SYT1: variants seen among roughly 807,000 people sequenced by gnomAD.
SYT1 encodes synaptotagmin 1, also known as synaptotagmin-1.
Under a neutral mutation model 44.8 loss-of-function variants are expected in SYT1, and 8 were observed. The observed-to-expected ratio is 0.18, with a 90% CI of 0.10 to 0.32. SYT1 has a LOEUF of 0.32. SYT1 is among the 10% of genes least tolerant of loss of function. SYT1 has a pLI of 1.00. For missense variants in SYT1, 286 were observed against 509.3 expected (o/e 0.56, Z 4.22); for synonymous variants, 154 against 188.8 (o/e 0.82, Z 1.51).
At chr12:78,962,385 G>A (rs1454335053) in intron 1 of SYT1, among the ~76,000 whole-genome samples, 2 of 148,446 alleles carry the variant, frequency 1.3e-5, no homozygotes, top group Non-Finnish European at 3.0e-5. Flanking sequence ...TCACTTCGTG[G>A]GTCACGTACC....
At chr12:79,100,557 A>G (rs775091111) in intron 3 of SYT1, among the ~76,000 whole-genome samples, 11 of 152,150 alleles carry the variant, frequency 7.2e-5, no homozygotes, top group Non-Finnish European at 1.5e-4. Context: ...GAAAATATAC[A>G]TAGAAAAAAA....
At chr12:79,257,583 G>A (rs1460354170) in intron 4 of SYT1, among the ~76,000 whole-genome samples, 1 of 152,024 alleles carries the variant, frequency 6.6e-6, no homozygotes, top group Non-Finnish European at 1.5e-5. Flanking sequence ...CGCCTCCCGG[G>A]TTCACGCCAT....
chr12:79,098,638 G>A (rs546267518), intron 3 of SYT1, among the ~76,000 whole-genome samples: 2 of 152,246 alleles, frequency 1.3e-5, no homozygotes, highest in African/African-American at 2.4e-5. Flanking sequence ...GTTCTGGTTA[G>A]TGGTGACTTA....
intron 4 of SYT1, among the ~76,000 whole-genome samples, chr12:79,284,907 G>T (rs569744981): frequency 2.0e-5 from 3 of 151,404 alleles, no homozygotes; most frequent in Non-Finnish European, 2.9e-5. Context: ...TGCATTAAAA[G>T]CTTTTTAACA....
At chr12:79,103,478 G>A (rs968562771) in intron 3 of SYT1, among the ~76,000 whole-genome samples, 14 of 151,946 alleles carry the variant, frequency 9.2e-5, no homozygotes, top group African/African-American at 3.4e-4. Flanking sequence ...GATATGGAAT[G>A]AGGAGTGAAA....
At chr12:79,377,255 G>T (rs1453348516) in intron 9 of SYT1, among the ~76,000 whole-genome samples, 1 of 152,146 alleles carries the variant, frequency 6.6e-6, no homozygotes, top group Non-Finnish European at 1.5e-5. Context: ...GGGACTGCAG[G>T]CTACCGCCAC....
chr12:79,317,852 C>A (rs1006804557), intron 8 of SYT1, among the ~76,000 whole-genome samples: 1 of 152,024 alleles, frequency 6.6e-6, no homozygotes, highest in African/African-American at 2.4e-5. Flanking sequence ...GACCTTAAGG[C>A]GGGAGCTTAA....
chr12:79,173,632 T>C (rs1290077936), intron 3 of SYT1, among the ~76,000 whole-genome samples: 2 of 151,936 alleles, frequency 1.3e-5, no homozygotes, highest in Admixed American at 6.6e-5. Flanking sequence ...AGAGAGAAGA[T>C]AGTATCTGAG....
chr12:79,423,624 C>G (rs192626131), intron 9 of SYT1, among the ~76,000 whole-genome samples: 1 of 152,110 alleles, frequency 6.6e-6, no homozygotes, highest in Admixed American at 6.6e-5. Flanking sequence ...AGGACTTAAA[C>G]TGTGGAATAG....
chr12:78,942,532 A>G (rs562375839), intron 1 of SYT1, among the ~76,000 whole-genome samples: 1 of 152,262 alleles, frequency 6.6e-6, no homozygotes, highest in Admixed American at 6.5e-5. Context: ...TCCATGTCAA[A>G]GCGTCCATGT....
intron 3 of SYT1, among the ~76,000 whole-genome samples, chr12:79,204,995 C>G (rs1293733067): frequency 1.7e-5 from 2 of 117,834 alleles, no homozygotes; most frequent in African/African-American, 6.7e-5. Flanking sequence ...GACGGAGTCT[C>G]TCTTTGTCGC....
At chr12:79,385,225 G>C (rs1054271494) in intron 9 of SYT1, among the ~76,000 whole-genome samples, 3 of 151,886 alleles carry the variant, frequency 2.0e-5, no homozygotes, top group Non-Finnish European at 4.4e-5. Context: ...GCCCTCAAGT[G>C]ATCTGCCAGC....
intron 2 of SYT1, among the ~76,000 whole-genome samples, chr12:78,988,063 G>A (rs1350713832): frequency 2.6e-5 from 4 of 151,930 alleles, no homozygotes; most frequent in Non-Finnish European, 4.4e-5. Flanking sequence ...ATTCTACGTG[G>A]TCAAGAAATC....
At position 79,372,722 on chromosome 12, in the gene SYT1, C is replaced by T. The variant is rs1485048087; in HGVS notation, c.928+19103C>T. On this transcript the variant is annotated intron_variant, in intron 9 of 10. Coordinates refer to ENST00000261205, the MANE Select transcript of SYT1 (RefSeq NM_005639.3). Reference sequence around the variant, plus strand: ...ACAAGTAGATCTAAAATTTCATTTCCAGGGCTAAGTCACCTTCTTGGTCCA... The same window carrying T: ...ACAAGTAGATCTAAAATTTCATTTCTAGGGCTAAGTCACCTTCTTGGTCCA... Among the ~76,000 whole-genome samples the T allele has an allele frequency of 3.3e-5, 5 of 152,260 alleles. No homozygotes were observed. In the East Asian group the frequency reaches 9.7e-4, roughly 29 times the overall value.
At chr12:78,985,625 CT>C (rs1251313562) in intron 2 of SYT1, among the ~76,000 whole-genome samples, 1 of 151,562 alleles carries the variant, frequency 6.6e-6, no homozygotes, top group Non-Finnish European at 1.5e-5. Flanking sequence ...ATAACAAATT[CT>C]TTATGTTCTT....
At chr12:79,099,794 T>C (rs1462861938) in intron 3 of SYT1, among the ~76,000 whole-genome samples, 1 of 152,178 alleles carries the variant, frequency 6.6e-6, no homozygotes, top group East Asian at 1.9e-4. Flanking sequence ...GTGACTGGCT[T>C]ACTGGATTCA....
At chr12:79,124,551 T>C (rs1037502617) in intron 3 of SYT1, among the ~76,000 whole-genome samples, 2 of 152,034 alleles carry the variant, frequency 1.3e-5, no homozygotes, top group Admixed American at 1.3e-4. Context: ...ATCATCACCA[T>C]TGCCATCATC....
intron 6 of SYT1, among the ~76,000 whole-genome samples, chr12:79,295,167 G>A (rs1267699444): frequency 6.6e-6 from 1 of 152,106 alleles, no homozygotes; most frequent in African/African-American, 2.4e-5. Context: ...GTAAGAGTCT[G>A]CTTTGTTACC....
chr12:78,963,172 C>CATAT (rs532927334), intron 1 of SYT1, among the ~76,000 whole-genome samples: 2 of 150,338 alleles, frequency 1.3e-5, no homozygotes, highest in South Asian at 2.1e-4. Context: ...TATTCAATCG[C>CATAT]ATATATATAT....
Sources: gnomAD v4.1 joint callset for allele counts (sites outside exome capture counted in the v4.1 genomes callset) on GRCh38, gnomAD v4.1.1 for gene constraint, MANE v1.5 for transcripts, NCBI Gene and HGNC (gene_info 2026-07-23, HGNC 2026-07-21) for gene names.